Variants in ASTN2 observed in about 807,000 individuals in gnomAD.
The protein encoded by ASTN2 is astrotactin 2, also known as astrotactin-2.
Under a neutral mutation model 139.8 loss-of-function variants are expected in ASTN2, and 54 were observed. The observed-to-expected ratio is 0.39, with a 90% CI of 0.31 to 0.48. The LOEUF is 0.48. ASTN2 is among the 20% of genes least tolerant of loss of function. The pLI is 0.95. For missense variants in ASTN2, 1,565 were observed against 1,725.1 expected (o/e 0.91, Z 1.64); for synonymous variants, 756 against 719.5 (o/e 1.05, Z -0.81).
intron 10 of ASTN2, among the ~76,000 whole-genome samples, chr9:116,949,069 A>G (rs1037792451): frequency 1.3e-5 from 2 of 152,022 alleles, no homozygotes; most frequent in Non-Finnish European, 2.9e-5. Flanking sequence ...GATTACAGGC[A>G]TGAGCCACCA....
intron 3 of ASTN2, among the ~76,000 whole-genome samples, chr9:117,209,549 C>T (rs1564479917): frequency 6.6e-6 from 1 of 152,078 alleles, no homozygotes; most frequent in Non-Finnish European, 1.5e-5. Context: ...CATCCTGATA[C>T]ATAAAGTAAA....
At chr9:116,426,619 T>C (rs1847317403) in intron 22 of ASTN2, among the ~76,000 whole-genome samples, 1 of 152,194 alleles carries the variant, frequency 6.6e-6, no homozygotes, top group Admixed American at 6.5e-5. Context: ...TTGGGAAGAA[T>C]CTAAATCTAG....
chr9:117,342,777 G>A (rs1319191889), intron 1 of ASTN2, among the ~76,000 whole-genome samples: 1 of 152,140 alleles, frequency 6.6e-6, no homozygotes, highest in Non-Finnish European at 1.5e-5. Context: ...AAATAAGAAT[G>A]GGTTAACAAA....
intron 17 of ASTN2, among the ~76,000 whole-genome samples, chr9:116,643,657 A>T (rs1857450052): frequency 6.6e-6 from 1 of 152,140 alleles, no homozygotes; most frequent in South Asian, 2.1e-4. Context: ...AATTAGATAA[A>T]GCATGTAAAG....
At chr9:116,901,510 G>A (rs1834010889) in intron 10 of ASTN2, among the ~76,000 whole-genome samples, 1 of 152,136 alleles carries the variant, frequency 6.6e-6, no homozygotes, top group Admixed American at 6.6e-5. Context: ...TAATGACATT[G>A]CGACAGTCTG....
intron 16 of ASTN2, chr9:116,701,224 A>G (rs1235600746): frequency 6.0e-6 from 1 of 167,080 alleles, no homozygotes; most frequent in Non-Finnish European, 1.5e-5. Flanking sequence ...TTTTTATGGT[A>G]GTAGTGTTTC....
At chr9:116,734,900 A>G (rs552537296) in intron 13 of ASTN2, among the ~76,000 whole-genome samples, 1 of 152,330 alleles carries the variant, frequency 6.6e-6, no homozygotes, top group East Asian at 1.9e-4. Context: ...ACCATCTTCT[A>G]TACCACCAGC....
chr9:117,319,333 C>A (rs1378333012), intron 1 of ASTN2, among the ~76,000 whole-genome samples: 1 of 152,194 alleles, frequency 6.6e-6, no homozygotes, highest in East Asian at 1.9e-4. Flanking sequence ...GGTTCTACCA[C>A]TTAATAATTG....
chr9:116,518,302 C>T (rs570754120), intron 19 of ASTN2, among the ~76,000 whole-genome samples: 1 of 152,258 alleles, frequency 6.6e-6, no homozygotes, highest in East Asian at 1.9e-4. Flanking sequence ...AGATTAAGAG[C>T]ATATTTCTCA....
intron 5 of ASTN2, among the ~76,000 whole-genome samples, chr9:117,082,710 C>T (rs145656315): frequency 7.2e-5 from 11 of 152,124 alleles, no homozygotes; most frequent in African/African-American, 2.2e-4. Flanking sequence ...GGCTGAGGCA[C>T]GAGAATCACT....
At chr9:117,193,012 A>T (rs557693657) in intron 3 of ASTN2, among the ~76,000 whole-genome samples, 2 of 152,320 alleles carry the variant, frequency 1.3e-5, no homozygotes, top group Admixed American at 1.3e-4. Context: ...ACTATTCCCT[A>T]TTTTGCTATG....
At chr9:116,821,517 C>A (rs1342135477) in intron 11 of ASTN2, among the ~76,000 whole-genome samples, 1 of 152,174 alleles carries the variant, frequency 6.6e-6, no homozygotes, top group Non-Finnish European at 1.5e-5. Flanking sequence ...ATGAAAAGGG[C>A]TCCTAGCCAG....
intron 1 of ASTN2, among the ~76,000 whole-genome samples, chr9:117,398,184 C>T (rs1404085133): frequency 6.6e-6 from 1 of 152,064 alleles, no homozygotes; most frequent in Non-Finnish European, 1.5e-5. Context: ...GTTTCAGGGG[C>T]CTGAACATTC....
At chr9:117,011,055 C>T (rs1837516136) in intron 6 of ASTN2, among the ~76,000 whole-genome samples, 1 of 152,162 alleles carries the variant, frequency 6.6e-6, no homozygotes, top group Non-Finnish European at 1.5e-5. Flanking sequence ...AACCTGAGTG[C>T]AGCATCATGA....
At chr9:116,859,594 T>A (rs1484602696) in intron 11 of ASTN2, among the ~76,000 whole-genome samples, 1 of 152,244 alleles carries the variant, frequency 6.6e-6, no homozygotes, top group Non-Finnish European at 1.5e-5. Context: ...TCTGAGCTGG[T>A]GGAAGACAGG....
At chr9:116,782,348 C>CAATATTA (rs1421036267) in intron 13 of ASTN2, among the ~76,000 whole-genome samples, 3 of 152,150 alleles carry the variant, frequency 2.0e-5, no homozygotes, top group Admixed American at 6.5e-5. Context: ...ACCAACTTGA[C>CAATATTA]AATATTAACA....
At chr9:116,534,807 C>T (rs553021213) in intron 19 of ASTN2, among the ~76,000 whole-genome samples, 18 of 152,136 alleles carry the variant, frequency 1.2e-4, no homozygotes, top group Middle Eastern at 3.4e-3. Context: ...GGAATAAGTG[C>T]GATGTGGTGC....
intron 4 of ASTN2, among the ~76,000 whole-genome samples, chr9:117,099,589 A>G (rs1828924341): frequency 6.6e-6 from 1 of 152,186 alleles, no homozygotes; most frequent in African/African-American, 2.4e-5. Context: ...AAGCCTTTAC[A>G]TGGGTTGACT....
intron 20 of ASTN2, among the ~76,000 whole-genome samples, chr9:116,461,714 G>A (rs535888028): frequency 6.6e-6 from 1 of 152,228 alleles, no homozygotes; most frequent in African/African-American, 2.4e-5. Context: ...GCCTCCATCA[G>A]TGTGGATCCC....
Sources: allele counts gnomAD v4.1 joint callset (sites outside exome capture counted in the v4.1 genomes callset), GRCh38; gene constraint gnomAD v4.1.1; transcripts MANE v1.5; gene names NCBI Gene and HGNC (gene_info 2026-07-23, HGNC 2026-07-21).